CHST8: variants seen among roughly 807,000 people sequenced by gnomAD.
The protein encoded by CHST8 is GALNAC-4-ST1.
Under a neutral mutation model 15.0 loss-of-function variants are expected in CHST8, and 10 were observed. The ratio of observed to expected loss-of-function variants is 0.67; its 90% CI spans 0.41 to 1.13. The LOEUF is 1.13. Ranked by LOEUF, CHST8 falls within the 50% of genes most tolerant of loss-of-function variation. The pLI is 0.00. For missense variants in CHST8, 634 were observed against 608.2 expected (o/e 1.04, Z -0.45); for synonymous variants, 259 against 256.6 (o/e 1.01, Z -0.09).
chr19:33,722,932 GTGCTGAGTGACAGCTAA>G (rs1409261477), intron 3 of CHST8, among the ~76,000 whole-genome samples: 1 of 152,238 alleles, frequency 6.6e-6, no homozygotes, highest in African/African-American at 2.4e-5. Flanking sequence ...CATCTATCAA[GTGCTGAGTGACAGCTAA>G]TCATTTTTCA....
chr19:33,731,602 C>T (rs1230576522), intron 3 of CHST8, among the ~76,000 whole-genome samples: 1 of 152,202 alleles, frequency 6.6e-6, no homozygotes, highest in Non-Finnish European at 1.5e-5. Context: ...CCTCCTATGT[C>T]ATTCTGTGAC....
chr19:33,731,532 A>T (rs541608569), intron 3 of CHST8, among the ~76,000 whole-genome samples: 1 of 152,330 alleles, frequency 6.6e-6, no homozygotes, highest in Non-Finnish European at 1.5e-5. Flanking sequence ...AGGTTTGGCC[A>T]GCTTCTTTAC....
At chr19:33,728,040 G>T (rs1420783154) in intron 3 of CHST8, among the ~76,000 whole-genome samples, 1 of 152,270 alleles carries the variant, frequency 6.6e-6, no homozygotes, top group African/African-American at 2.4e-5. Context: ...AAGTGCCTTC[G>T]CTCCCACGGC....
intron 3 of CHST8, among the ~76,000 whole-genome samples, chr19:33,745,028 T>G (rs1455261462): frequency 6.6e-6 from 1 of 152,196 alleles, no homozygotes; most frequent in Admixed American, 6.5e-5. Flanking sequence ...ATTACAGGCA[T>G]GAGCCACCAT....
intron 1 of CHST8, among the ~76,000 whole-genome samples, chr19:33,628,605 G>A (rs1052793065): frequency 6.6e-6 from 1 of 152,216 alleles, no homozygotes; most frequent in Non-Finnish European, 1.5e-5. Flanking sequence ...ACTAGTGGGC[G>A]GTGTAGGCGG....
At chr19:33,664,902 A>G (rs1285457589) in intron 1 of CHST8, among the ~76,000 whole-genome samples, 1 of 152,126 alleles carries the variant, frequency 6.6e-6, no homozygotes, top group Non-Finnish European at 1.5e-5. Flanking sequence ...CTCCAGTTCC[A>G]TCCATGTTGC....
rs1204553976 is a variant in CHST8 at position 33,689,182 on chromosome 19, G to T, written c.-80G>T. The T allele has an allele frequency of 3.9e-5, 56 of 1,448,690 alleles. No homozygotes were observed. The highest frequency in any genetic ancestry group is 1.1e-5 in the Non-Finnish European group (12 of 1,099,310). The allele number at this position is 1,448,690 out of a possible 1,614,324, so 89.7% of individuals were successfully genotyped here. On this transcript the variant is annotated 5_prime_UTR_variant, in exon 3 of 5. Transcript: ENST00000650847. ...TCCCTCCTCTGCCCCGTAGATCTCG[G>T]CCTGATGGACGCCTGGTGTGGACGA...
At chr19:33,736,694 G>A (rs556382137) in intron 3 of CHST8, among the ~76,000 whole-genome samples, 1 of 152,120 alleles carries the variant, frequency 6.6e-6, no homozygotes, top group Non-Finnish European at 1.5e-5. Flanking sequence ...CTGTTCCTGA[G>A]ATTTTCTAGC....
chr19:33,739,886 A>G (rs1276533516), intron 3 of CHST8, among the ~76,000 whole-genome samples: 1 of 152,168 alleles, frequency 6.6e-6, no homozygotes, highest in Non-Finnish European at 1.5e-5. Context: ...AGAGAACCAG[A>G]CCAGCCCCCA....
At chr19:33,678,917 G>T (rs574279042) in intron 2 of CHST8, among the ~76,000 whole-genome samples, 4 of 152,118 alleles carry the variant, frequency 2.6e-5, no homozygotes, top group Non-Finnish European at 4.4e-5. Context: ...TTTCACCTTC[G>T]TTGTCCTTTT....
At chr19:33,754,054 T>C (rs1452618218) in intron 3 of CHST8, among the ~76,000 whole-genome samples, 1 of 9,976 alleles carries the variant, frequency 1.0e-4, no homozygotes, top group Non-Finnish European at 1.7e-4. Context: ...CCCAACAACC[T>C]CCCACCATCC....
chr19:33,771,349 G>A (rs1293617619), intron 3 of CHST8, 64 bp from the exon 4 acceptor site: 4 of 1,521,362 alleles, frequency 2.6e-6, no homozygotes, highest in Non-Finnish European at 3.7e-6. Flanking sequence ...CAGCCCATAA[G>A]CAGTTCCCTG....
At chr19:33,645,312 T>G (rs1264984274) in intron 1 of CHST8, among the ~76,000 whole-genome samples, 1 of 152,028 alleles carries the variant, frequency 6.6e-6, no homozygotes, top group Non-Finnish European at 1.5e-5. Flanking sequence ...TCTGTGTGCG[T>G]GGGGAGCAAT....
chr19:33,634,729 C>T (rs1972170594), intron 1 of CHST8, among the ~76,000 whole-genome samples: 2 of 146,308 alleles, frequency 1.4e-5, no homozygotes. Context: ...TCTGTCATGT[C>T]CACGGCTGTG....
chr19:33,712,130 C>A (rs1470412939), intron 3 of CHST8, among the ~76,000 whole-genome samples: 1 of 152,144 alleles, frequency 6.6e-6, no homozygotes, highest in Non-Finnish European at 1.5e-5. Context: ...CAAGGCTAGT[C>A]ACTGGAATTG....
intron 3 of CHST8, among the ~76,000 whole-genome samples, chr19:33,745,698 T>A (rs1974301785): frequency 6.6e-6 from 1 of 152,202 alleles, no homozygotes; most frequent in Non-Finnish European, 1.5e-5. Flanking sequence ...CACAGGGAGC[T>A]CTGGAGCTGG....
rs112838514 is a variant in CHST8 at position 33,759,106 on chromosome 19, C to A, written c.131-12307C>A. Among the ~76,000 whole-genome samples, 1,337 of 152,180 alleles carry A rather than the reference C, an allele frequency of 8.8e-3. 23 individuals are homozygous for A. Among genetic ancestry groups the A allele is most frequent in the African/African-American group, 0.031 (1,289 of 41,498 alleles). On this transcript the variant is annotated intron_variant, in intron 3 of 4. Transcript: ENST00000650847. Reference sequence around the variant, plus strand: ...GGGATGGCACCAAGCCATGAAGGATCCCCCCATGAGCCAAACACCCCCCAC... The same window carrying A: ...GGGATGGCACCAAGCCATGAAGGATACCCCCATGAGCCAAACACCCCCCAC...
At chr19:33,749,596 G>A (rs1228481249) in intron 3 of CHST8, among the ~76,000 whole-genome samples, 3 of 152,058 alleles carry the variant, frequency 2.0e-5, no homozygotes, top group Non-Finnish European at 2.9e-5. Context: ...GAGGCACAGG[G>A]CAGGGTCAGG....
At chr19:33,661,486 G>T (rs574029169) in intron 1 of CHST8, among the ~76,000 whole-genome samples, 1 of 152,178 alleles carries the variant, frequency 6.6e-6, no homozygotes, top group East Asian at 1.9e-4. Flanking sequence ...GCAAAGCTCC[G>T]CACTCACGGA....
Sources: allele counts gnomAD v4.1 joint callset (sites outside exome capture counted in the v4.1 genomes callset), GRCh38; gene constraint gnomAD v4.1.1; transcripts MANE v1.5; gene names NCBI Gene and HGNC (gene_info 2026-07-23, HGNC 2026-07-21).